The following SETD2 variants were observed in gnomAD, a reference collection of about 807,000 sequenced individuals.
SETD2 encodes the protein SET domain containing 2, histone lysine methyltransferase.
Under a neutral mutation model 242.1 loss-of-function variants are expected in SETD2, and 31 were observed. That is an observed-to-expected ratio of 0.13 (90% CI 0.10 to 0.17). SETD2 has a LOEUF of 0.17. Among genes scored for constraint, SETD2 ranks in the 10% least tolerant of loss-of-function variants. The pLI is 1.00. For missense variants in SETD2, 2,481 were observed against 3,046.3 expected, an observed-to-expected ratio of 0.81 and a Z score of 4.37; for synonymous variants, 1,006 against 1,066.5, an observed-to-expected ratio of 0.94 and a Z score of 1.11.
chr3:47,072,038 G>A (rs1232755299), intron 12 of SETD2, among the ~76,000 whole-genome samples: 1 of 152,222 alleles, frequency 6.6e-6, no homozygotes, highest in East Asian at 1.9e-4. Flanking sequence ...GTGGGGCGCA[G>A]TGGCTCACGC....
At chr3:47,030,938 A>G (rs2038738137) in intron 18 of SETD2, among the ~76,000 whole-genome samples, 1 of 152,232 alleles carries the variant, frequency 6.6e-6, no homozygotes, top group Admixed American at 6.5e-5. Context: ...TCAGGCCATG[A>G]AAAGACATGG....
chr3:47,068,901 C>T (rs1383232943), intron 12 of SETD2, among the ~76,000 whole-genome samples: 1 of 152,072 alleles, frequency 6.6e-6, no homozygotes, highest in Non-Finnish European at 1.5e-5. Flanking sequence ...CAGGTTCAAG[C>T]GATTCTCCTT....
chr3:47,078,844 C>A (rs191256442), intron 12 of SETD2, among the ~76,000 whole-genome samples: 1 of 152,154 alleles, frequency 6.6e-6, no homozygotes, highest in East Asian at 1.9e-4. Context: ...AATCCTCCCA[C>A]CTCAGCCTCC....
chr3:47,088,284 AC>A, intron 9 of SETD2, 37 bp from the exon 10 acceptor site: 1 of 1,563,606 alleles, frequency 6.4e-7, no homozygotes. Flanking sequence ...TTATAAAACA[AC>A]AACAACAAAA....
chr3:47,085,483 C>G (rs2041514203), intron 11 of SETD2, among the ~76,000 whole-genome samples: 1 of 152,180 alleles, frequency 6.6e-6, no homozygotes, highest in Non-Finnish European at 1.5e-5. Context: ...ATTTTGAAAT[C>G]CAAGAATTTT....
chr3:47,066,729 G>A (rs377238346), intron 13 of SETD2, among the ~76,000 whole-genome samples: 23 of 142,774 alleles, frequency 1.6e-4, no homozygotes, highest in East Asian at 9.8e-4. Flanking sequence ...TATCTGGTGC[G>A]AAGGAAAAAA....
intron 1 of SETD2, among the ~76,000 whole-genome samples, chr3:47,162,314 C>T (rs1235129704): frequency 6.6e-6 from 1 of 152,030 alleles, no homozygotes; most frequent in African/African-American, 2.4e-5. Flanking sequence ...AACTAAAAAC[C>T]TATAACATGA....
intron 17 of SETD2, among the ~76,000 whole-genome samples, chr3:47,039,227 T>C (rs574757686): frequency 6.6e-6 from 1 of 151,938 alleles, no homozygotes; most frequent in Admixed American, 6.6e-5. Flanking sequence ...TTTTTTTTTT[T>C]ATTCTGATAT....
At chr3:47,163,676 G>T in intron 1 of SETD2, 178 bp downstream of exon 1, 3 of 455,100 alleles carry the variant, frequency 6.6e-6, no homozygotes, top group Non-Finnish European at 1.0e-5. Flanking sequence ...GCCTGCTGCG[G>T]CCCCGGCCAA....
intron 11 of SETD2, among the ~76,000 whole-genome samples, chr3:47,084,833 C>T (rs1003814187): frequency 2.0e-5 from 3 of 151,556 alleles, no homozygotes; most frequent in African/African-American, 7.3e-5. Context: ...CTGGTTTAAG[C>T]GATTCTCCTG....
intron 1 of SETD2, among the ~76,000 whole-genome samples, chr3:47,131,537 G>A (rs1175026594): frequency 6.6e-6 from 1 of 151,812 alleles, no homozygotes; most frequent in African/African-American, 2.4e-5. Flanking sequence ...TAGAAACGGG[G>A]CTTCACCGTG....
chr3:47,067,210 T>C (rs2040594821), intron 12 of SETD2, 92 bp from the exon 13 acceptor site: 3 of 964,376 alleles, frequency 3.1e-6, no homozygotes, highest in African/African-American at 1.6e-5. Context: ...AATAAAGAAA[T>C]GGAAAGTAAC....
At position 47,100,871 on chromosome 3, in the gene SETD2, G is replaced by A. The variant is rs186210139; in HGVS notation, c.5015+587C>T. Among the ~76,000 whole-genome samples the A allele has an allele frequency of 1.9e-3, 290 of 151,740 alleles. 2 individuals are homozygous for A. The highest frequency in any genetic ancestry group is 6.7e-3 in the African/African-American group (276 of 41,398). On this transcript the variant is annotated intron_variant, in intron 8 of 20. Coordinates refer to ENST00000409792, the MANE Select transcript of SETD2 (RefSeq NM_014159.7). ...TAAAAATACAAAAAATTAGCTGGGC[G>A]TGGTGGCGGGCGCCTGTAGTACCAG...
rs1190297226 is a variant in SETD2, at chr3:47,106,325, T to C, written c.4716-205A>G. Reference sequence around the variant, plus strand: ...CCTTCACAGTACTTTTCAAAGAATGTTGATTCTAAGATGCTTTTATAATTT... The same window carrying C: ...CCTTCACAGTACTTTTCAAAGAATGCTGATTCTAAGATGCTTTTATAATTT... On this transcript the variant is annotated intron_variant, in intron 5 of 20. Transcript: ENST00000409792. Among the ~76,000 whole-genome samples the C allele has an allele frequency of 2.0e-5, 3 of 151,962 alleles. No homozygotes were observed. The East Asian group carries it at 5.8e-4, about 29-fold the overall frequency.
At chr3:47,126,787 T>C in intron 1 of SETD2, 124 bp from the exon 2 acceptor site, 1 of 579,674 alleles carries the variant, frequency 1.7e-6, no homozygotes, top group Non-Finnish European at 3.0e-6. Flanking sequence ...AGGTATATTC[T>C]ATATGGATTG....
intron 1 of SETD2, among the ~76,000 whole-genome samples, chr3:47,147,990 T>G (rs1206833931): frequency 6.6e-6 from 1 of 151,890 alleles, no homozygotes; most frequent in African/African-American, 2.4e-5. Context: ...CATAAAGGTA[T>G]GCTTAGAACC....
rs558254213 is a variant in SETD2, at chr3:47,084,394, TA to T, written c.5398-13del. On this transcript the variant is annotated splice_polypyrimidine_tract_variant and intron_variant, in intron 11 of 20. Transcript: ENST00000409792. ...AAAGTCTTTATAATCTGATTAAACA[TA>T]AAAAAAAATTACATCACTTTGTACA... The T allele has an allele frequency of 1.7e-4, 257 of 1,491,620 alleles. No individual in the cohort carries two copies. Among genetic ancestry groups the T allele is most frequent in the East Asian group, 6.9e-4 (30 of 43,554 alleles). The allele number at this position is 1,491,620 out of a possible 1,614,324, so 92.4% of individuals were successfully genotyped here.
intron 16 of SETD2, among the ~76,000 whole-genome samples, chr3:47,044,555 G>A (rs1037569539): frequency 6.6e-6 from 1 of 151,946 alleles, no homozygotes; most frequent in Non-Finnish European, 1.5e-5. Context: ...CTCCAGAACT[G>A]TAGGTGTTCT....
chr3:47,087,498 A>C (rs769379480), intron 10 of SETD2, among the ~76,000 whole-genome samples: 1 of 152,132 alleles, frequency 6.6e-6, no homozygotes, highest in Non-Finnish European at 1.5e-5. Flanking sequence ...CAGCAGGTGG[A>C]GCTCAGGCAG....
Sources: gnomAD v4.1 joint callset for allele counts (sites outside exome capture counted in the v4.1 genomes callset) on GRCh38, gnomAD v4.1.1 for gene constraint, MANE v1.5 for transcripts, NCBI Gene and HGNC (gene_info 2026-07-23, HGNC 2026-07-21) for gene names.